HUWE1: variants seen among roughly 807,000 people sequenced by gnomAD.
HUWE1 encodes HECT, UBA and WWE domain containing E3 ubiquitin protein ligase 1, also known as E3 ubiquitin-protein ligase HUWE1.
A neutral mutation model predicts 299.4 loss-of-function variants in HUWE1; 18 were observed. That is an observed-to-expected ratio of 0.06 (90% CI 0.04 to 0.09). HUWE1 has a LOEUF of 0.09. Among genes scored for constraint, HUWE1 ranks in the 10% least tolerant of loss-of-function variants. HUWE1 has a pLI of 1.00. For missense variants in HUWE1, 1,832 were observed against 3,462.3 expected, an observed-to-expected ratio of 0.53 and a Z score of 11.82; for synonymous variants, 1,317 against 1,286.1, an observed-to-expected ratio of 1.02 and a Z score of -0.51.
At chrX:53,543,710 G>A in intron 73 of HUWE1, 131 bp downstream of exon 73, 1 of 958,516 alleles carries the variant, frequency 1.0e-6, no homozygotes. Flanking sequence ...TAACCCTTTT[G>A]TCCAGAAGCA....
Position 53,557,372 on chromosome X carries a change from GGA to G in HUWE1, c.8206+8_8206+9del. The G allele has an allele frequency of 8.3e-7, 1 of 1,200,685 alleles. No homozygotes were observed. The highest frequency in any genetic ancestry group is 3.0e-5 in the East Asian group (1 of 33,796). ...GATTAGTAAGAAGGGAGAAAGGGAA[GGA>G]GAGTTACCTGAGAGATTCTGTTCAG... is the stretch of plus-strand genomic sequence containing the variant. On this transcript the variant is annotated splice_region_variant and intron_variant, in intron 60 of 83. Coordinates refer to ENST00000262854, the MANE Select transcript of HUWE1 (RefSeq NM_031407.7).
chrX:53,667,698 C>A (rs1278191173), intron 3 of HUWE1, among the ~76,000 whole-genome samples: 3 of 111,855 alleles, frequency 2.7e-5, no homozygotes, highest in African/African-American at 9.8e-5. Context: ...AACAACATAG[C>A]AATTTAGACA....
intron 44 of HUWE1, among the ~76,000 whole-genome samples, 199 bp downstream of exon 44, chrX:53,576,701 G>A (rs1361092621): frequency 8.9e-6 from 1 of 111,972 alleles, no homozygotes. Context: ...CTCACCCTAA[G>A]GACTTACCAC....
At chrX:53,593,724 C>T (rs2064285971) in intron 31 of HUWE1, 123 bp from the exon 32 acceptor site, 2 of 520,135 alleles carry the variant, frequency 3.8e-6, no homozygotes, top group African/African-American at 2.3e-5. Flanking sequence ...AGAGCTATTA[C>T]GTCTAATCTG....
chrX:53,563,396 G>GGGCA (rs1428353164), intron 52 of HUWE1, among the ~76,000 whole-genome samples: 8 of 110,971 alleles, frequency 7.2e-5, no homozygotes, highest in African/African-American at 2.6e-4. Flanking sequence ...TGAGACTCAG[G>GGGCA]GGCAGAAAGC....
chrX:53,584,209 T>C lies in HUWE1; in HGVS notation c.5138A>G (p.Lys1713Arg). The C allele has an allele frequency of 8.3e-7, 1 of 1,209,640 alleles. No individual in the cohort carries two copies. Among genetic ancestry groups the C allele is most frequent in the Middle Eastern group, 2.3e-4 (1 of 4,346 alleles). ...ACCATTGCCTTTATTTTCTTTACGT[T>C]TGATATCCATTTCTTTGCTTTCTTC... is the stretch of plus-strand genomic sequence containing the variant. ...TLEESKEMDI[K>R]RKENKGNDTP... The change falls in exon 41 of 84, where the codon AAA (lysine) becomes AGA (arginine). Residue 1713 changes from lysine to arginine, a missense_variant. Around this residue, in one of 15 missense-constraint regions of HUWE1, gnomAD observed 46 missense variants for 42.6 expected, o/e 1.08. Coordinates refer to ENST00000262854, the MANE Select transcript of HUWE1 (RefSeq NM_031407.7).
At position 53,628,489 on chromosome X, in the gene HUWE1, G is replaced by C. The variant is rs377286362; in HGVS notation, c.1242+4C>G. 2.6e-6 allele frequency: 3 copies of C among 1,139,489 alleles called. No homozygotes were observed. Among genetic ancestry groups the C allele is most frequent in the Non-Finnish European group, 3.5e-6 (3 of 857,450 alleles). The allele number at this position is 1,139,489 out of a possible 1,213,427, so 93.9% of individuals were successfully genotyped here. A position where few individuals can be genotyped will look rare whatever the true frequency, so the allele number is the denominator to read the frequency against. On this transcript the variant is annotated splice_donor_region_variant and intron_variant, in intron 15 of 83. Transcript: ENST00000262854. ...TAAAAAAAAAAAAAAAAAAAGTACA[G>C]CACCTTCAATAAGGCTTCCATCATT...
chrX:53,566,117 A>ATG (rs781804758), intron 49 of HUWE1, among the ~76,000 whole-genome samples: 1,390 of 54,176 alleles, frequency 0.026, 56 homozygotes, highest in African/African-American at 0.08. Context: ...GTATGTATGT[A>ATG]TGTGTGTGTG....
rs781836714 is a variant in HUWE1, at chrX:53,679,390, A to C, written c.-25+659T>G. Among the ~76,000 whole-genome samples the C allele has an allele frequency of 2.7e-5, 3 of 112,599 alleles. No individual in the cohort carries two copies. The Middle Eastern group carries it at 0.014, about 519-fold the overall frequency. ...GTTGTGATAATAGTTTTGATCTTAT[A>C]TTTAAAGAGCCCTTGCCTTTTAGAA... On this transcript the variant is annotated intron_variant, in intron 3 of 83. Coordinates refer to ENST00000262854, the MANE Select transcript of HUWE1 (RefSeq NM_031407.7).
rs142553048 is a variant in HUWE1, at chrX:53,586,661, T to C, written c.4743-90A>G. The C allele has an allele frequency of 3.3e-3, 3,618 of 1,084,768 alleles. 54 individuals are homozygous for C. In the East Asian group the frequency reaches 0.07, roughly 21 times the overall value. The allele number at this position is 1,084,768 out of a possible 1,213,427, so 89.4% of individuals were successfully genotyped here. A position where few individuals can be genotyped will look rare whatever the true frequency, so the allele number is the denominator to read the frequency against. ...TTAATTTCATCAGATGCTTCCTTTA[T>C]AATTTTAAAACTACAGAAGTACCAC... On this transcript the variant is annotated intron_variant, in intron 38 of 83. Coordinates refer to ENST00000262854, the MANE Select transcript of HUWE1 (RefSeq NM_031407.7).
intron 3 of HUWE1, among the ~76,000 whole-genome samples, chrX:53,661,380 T>C (rs1020344053): frequency 9.9e-5 from 11 of 111,656 alleles, no homozygotes; most frequent in Middle Eastern, 4.2e-3. Context: ...TATTGGCAGA[T>C]AAGAATAAAA....
intron 59 of HUWE1, 114 bp from the exon 60 acceptor site, chrX:53,557,541 G>A (rs1402630451): frequency 1.6e-6 from 1 of 606,132 alleles, no homozygotes; most frequent in Non-Finnish European, 2.8e-6. Context: ...TGATCTAATG[G>A]AGAATGCTTT....
rs2061631083 is a variant in HUWE1, at chrX:53,548,337, T to C, written c.10036-64A>G. ...CTTCACAGAGGATGAGCCTTCCTGATAGGGAAAAGACAACTGGTTCCCAGA... is the reference window on the plus strand; with the variant it reads ...CTTCACAGAGGATGAGCCTTCCTGACAGGGAAAAGACAACTGGTTCCCAGA... On this transcript the variant is annotated intron_variant, in intron 67 of 83. Coordinates refer to ENST00000262854, the MANE Select transcript of HUWE1 (RefSeq NM_031407.7). 1.0e-5 allele frequency: 12 copies of C among 1,149,931 alleles called. No individual in the cohort carries two copies. In the South Asian group the frequency reaches 1.9e-4, roughly 18 times the overall value. 94.8% of individuals were successfully genotyped at this position (1,149,931 alleles called of 1,213,427 possible).
At chrX:53,643,794 A>G (rs2067779004) in intron 7 of HUWE1, among the ~76,000 whole-genome samples, 1 of 112,349 alleles carries the variant, frequency 8.9e-6, no homozygotes, top group African/African-American at 3.2e-5. Flanking sequence ...GAGACTCATC[A>G]CCTACATACA....
In HUWE1 at chrX:53,557,302, G is replaced by A. The variant is rs782409434; in HGVS notation, c.8206+80C>T. On this transcript the variant is annotated intron_variant, in intron 60 of 83. Coordinates refer to ENST00000262854, the MANE Select transcript of HUWE1 (RefSeq NM_031407.7). Reference sequence around the variant, plus strand: ...GCACCAGTGTCCATCTTCAGCCTATGTGGGCCAGCTACTCGGAACTATCAG... The same window carrying A: ...GCACCAGTGTCCATCTTCAGCCTATATGGGCCAGCTACTCGGAACTATCAG... The A allele has an allele frequency of 2.2e-5, 19 of 881,088 alleles. No homozygotes were observed. In the South Asian group the frequency reaches 3.8e-4, roughly 17 times the overall value. 72.6% of individuals were successfully genotyped at this position (881,088 alleles called of 1,213,427 possible).
chrX:53,560,032 CAT>C lies in HUWE1; in HGVS notation c.7736+154_7736+155del, dbSNP rs200936982. ...AGGCTGCACTCCCCAAAAGGCTACA[CAT>C]GTAATCCACAAAGAAATGGAACAAA... On this transcript the variant is annotated intron_variant, in intron 56 of 83. Transcript: ENST00000262854. Among the ~76,000 whole-genome samples the C allele has an allele frequency of 0.014, 1,535 of 112,576 alleles. 27 individuals carry two copies. Among genetic ancestry groups the C allele is most frequent in the African/African-American group, 0.047 (1,465 of 30,954 alleles).
At chrX:53,599,166 C>G (rs1434382142) in intron 29 of HUWE1, among the ~76,000 whole-genome samples, 1 of 112,304 alleles carries the variant, frequency 8.9e-6, no homozygotes, top group African/African-American at 3.2e-5. Context: ...ACACAGAAAC[C>G]TCTGAATGCT....
rs368401797 is a variant in HUWE1, at chrX:53,539,011, C to T, written c.11702G>A (p.Arg3901Gln). 9 of 1,205,270 alleles carry T rather than the reference C, an allele frequency of 7.5e-6. No individual in the cohort carries two copies. The highest frequency in any genetic ancestry group is 2.2e-5 in the Admixed American group (1 of 45,310). The change falls in exon 76 of 84, where the codon CGA (arginine) becomes CAA (glutamine). Residue 3901 changes from arginine (R) to glutamine (Q), a missense_variant. Physicochemically the swap from Arg to Gln is conservative, Grantham distance 43. This residue lies in a region of HUWE1 where 129 missense variants were observed against 439.4 expected (regional missense o/e 0.29). Transcript: ENST00000262854. ...ATERESKPPV[R>Q]DTRESQLAHI... ...TGCCAGCTGGCTCTCACGGGTGTCT[C>T]GGACAGGAGGCTTGCTCTCCCGCTC...
chrX:53,662,160 TA>T (rs1380813000), intron 3 of HUWE1, among the ~76,000 whole-genome samples: 3 of 110,670 alleles, frequency 2.7e-5, no homozygotes, highest in Non-Finnish European at 5.7e-5. Flanking sequence ...CCCACCTAGA[TA>T]TGAGGAGTCA....
Sources: allele counts gnomAD v4.1 joint callset (sites outside exome capture counted in the v4.1 genomes callset), GRCh38; gene constraint gnomAD v4.1.1; regional missense constraint gnomAD v4.1.1; transcripts MANE v1.5; gene names NCBI Gene and HGNC (gene_info 2026-07-23, HGNC 2026-07-21).